STRIP2: variants seen among roughly 807,000 people sequenced by gnomAD.
STRIP2 encodes the protein striatin interacting protein 2, also known as striatin-interacting protein 2.
In STRIP2, 84 loss-of-function variants were observed where a neutral mutation model predicts 107.1. The observed-to-expected ratio is 0.78, with a 90% CI of 0.66 to 0.94. The LOEUF (loss-of-function observed/expected upper bound fraction) is 0.94. Among genes scored for constraint, STRIP2 ranks in the 40% least tolerant of loss-of-function variants. STRIP2 has a pLI of 0.00. For synonymous variants in STRIP2, 394 were observed against 400.4 expected (o/e 0.98, Z 0.19); for missense variants, 888 against 1,034.2 (o/e 0.86, Z 1.94).
chr7:129,446,272 T>C (rs1798031795), intron 3 of STRIP2, among the ~76,000 whole-genome samples: 1 of 152,224 alleles, frequency 6.6e-6, no homozygotes, highest in South Asian at 2.1e-4. Flanking sequence ...GGTCACCCAC[T>C]GGTGAACACT....
In STRIP2 at chr7:129,458,672, C is replaced by T; in HGVS notation, c.1275-40C>T. 6 of 1,611,838 alleles carry T rather than the reference C, an allele frequency of 3.7e-6. No homozygotes were observed. Among genetic ancestry groups the T allele is most frequent in the Non-Finnish European group, 5.1e-6 (6 of 1,177,938 alleles). On this transcript the variant is annotated intron_variant, in intron 10 of 20. Coordinates refer to ENST00000249344, the MANE Select transcript of STRIP2 (RefSeq NM_020704.3). This position sits in a 1 kb window ranked among gnomAD's most constrained non-coding sequence, Gnocchi z 4.6. ...TTTTTCTCTCTCAAAGTTTGCTTTT[C>T]TTCCCTTCTCTGGGATTGGTCTTTC... is the stretch of plus-strand genomic sequence containing the variant.
At chr7:129,454,038 T>C in intron 5 of STRIP2, 104 bp from the exon 6 acceptor site, 4 of 1,048,560 alleles carry the variant, frequency 3.8e-6, no homozygotes. Context: ...AGTGGCTGCC[T>C]AGCCAGGGAA....
chr7:129,462,971 A>G lies in STRIP2; in HGVS notation c.1482A>G (p.Glu494=). Residue 494 remains glutamate, a synonymous_variant, in exon 14 of 21, where the codon GAA becomes GAG. Transcript: ENST00000249344. ...CCATGTATTTCTTGCCATAGGGGGA[A>G]GAGGTGGTACCAGAGACGCCATGTG... is the stretch of plus-strand genomic sequence containing the variant. The part of the protein sequence containing the change: ...ELEKCPMSLG[E]EVVPETPCEI... 1 of 1,613,972 alleles carries G rather than the reference A, an allele frequency of 6.2e-7. No homozygotes were observed. Among genetic ancestry groups the G allele is most frequent in the East Asian group, 2.2e-5 (1 of 44,884 alleles).
intron 16 of STRIP2, 23 bp from the exon 17 acceptor site, chr7:129,467,327 T>G (rs1798694332): frequency 6.4e-7 from 1 of 1,559,074 alleles, no homozygotes; most frequent in Non-Finnish European, 8.8e-7. Flanking sequence ...AAGCAGCCCT[T>G]TCTGCTTTGA....
intron 1 of STRIP2, among the ~76,000 whole-genome samples, chr7:129,438,414 A>G (rs1313613512): frequency 1.3e-5 from 2 of 152,242 alleles, no homozygotes; most frequent in Admixed American, 1.3e-4. Context: ...TTATAGTATA[A>G]TATTAAAATC....
intron 17 of STRIP2, among the ~76,000 whole-genome samples, chr7:129,469,325 G>A (rs1798740656): frequency 6.6e-6 from 1 of 152,184 alleles, no homozygotes. Context: ...GGAGATCACA[G>A]CTCATTATTG....
chr7:129,457,521 C>T (rs748356917), intron 9 of STRIP2, among the ~76,000 whole-genome samples: 1 of 152,222 alleles, frequency 6.6e-6, no homozygotes, highest in Non-Finnish European at 1.5e-5. Flanking sequence ...TATGTTCTTA[C>T]AAACTCCCCT....
intron 1 of STRIP2, among the ~76,000 whole-genome samples, chr7:129,436,729 C>G (rs1275256078): frequency 6.6e-6 from 1 of 152,142 alleles, no homozygotes; most frequent in African/African-American, 2.4e-5. Flanking sequence ...TTTTTCCTCT[C>G]TAGGGCTTTT....
At chr7:129,484,218 T>C (rs1296185467) in intron 20 of STRIP2, among the ~76,000 whole-genome samples, 2 of 152,262 alleles carry the variant, frequency 1.3e-5, no homozygotes, top group Admixed American at 6.5e-5. Context: ...TCTAAAGGTT[T>C]GATGAATTCA....
At chr7:129,449,372 A>G (rs1798121700) in intron 3 of STRIP2, among the ~76,000 whole-genome samples, 1 of 152,188 alleles carries the variant, frequency 6.6e-6, no homozygotes, top group Admixed American at 6.5e-5. Flanking sequence ...GTCTAGTTAT[A>G]GGTCTAGAAC....
intron 17 of STRIP2, among the ~76,000 whole-genome samples, 192 bp from the exon 18 acceptor site, chr7:129,470,454 TTCC>T (rs1437173753): frequency 8.5e-5 from 13 of 152,328 alleles, no homozygotes; most frequent in African/African-American, 2.4e-4. Flanking sequence ...AACTCATTGG[TTCC>T]TCTCATGACA....
rs538934468 is a variant in STRIP2 at position 129,458,182 on chromosome 7, C to G, written c.1039-33C>G. 41 of 1,570,380 alleles carry G rather than the reference C, an allele frequency of 2.6e-5. 1 individual carries two copies. In the South Asian group the frequency reaches 3.9e-4, roughly 15 times the overall value. ...GACAAGGATGCCCAGAGTGAGATCT[C>G]TGCATGCCTACCCTCCCTTCTTTCC... is the stretch of plus-strand genomic sequence containing the variant. On this transcript the variant is annotated intron_variant, in intron 9 of 20. Transcript: ENST00000249344. The surrounding 1 kb of genome is among the most constrained non-coding windows in gnomAD (Gnocchi z 4.6).
At position 129,483,804 on chromosome 7, in the gene STRIP2, AC is replaced by A. The variant is rs1799184395; in HGVS notation, c.2254+759del. Among the ~76,000 whole-genome samples, 1 of 152,172 alleles carries A rather than the reference AC, an allele frequency of 6.6e-6. No homozygotes were observed. Among genetic ancestry groups the A allele is most frequent in the South Asian group, 2.1e-4 (1 of 4,810 alleles). ...CTGTCACCCAGGCTGGAAAGCAGTG[AC>A]ATGATAATGGCTCACTGCAGCCTCG... On this transcript the variant is annotated intron_variant, in intron 20 of 20. Coordinates refer to ENST00000249344, the MANE Select transcript of STRIP2 (RefSeq NM_020704.3). This position sits in a 1 kb window ranked among gnomAD's most constrained non-coding sequence, Gnocchi z 5.1.
intron 1 of STRIP2, 64 bp downstream of exon 1, chr7:129,434,665 A>G (rs1021215541): frequency 2.5e-5 from 35 of 1,412,250 alleles, no homozygotes; most frequent in Admixed American, 8.8e-5. Flanking sequence ...GCGGCGGCTG[A>G]GGTGATTCGG....
intron 16 of STRIP2, among the ~76,000 whole-genome samples, chr7:129,465,712 T>C (rs1798654644): frequency 6.6e-6 from 1 of 152,208 alleles, no homozygotes; most frequent in African/African-American, 2.4e-5. Flanking sequence ...TTGTTTGCCA[T>C]GCTAAGGAGT....
chr7:129,465,020 A>G (rs1423125345), intron 16 of STRIP2, among the ~76,000 whole-genome samples: 2 of 151,938 alleles, frequency 1.3e-5, no homozygotes, highest in East Asian at 3.9e-4. Context: ...GTTTTTAAAC[A>G]ATGCAAGAGA....
In STRIP2 at chr7:129,459,451, G is replaced by T. The variant is rs542880900; in HGVS notation, c.1341-66G>T. On this transcript the variant is annotated intron_variant, in intron 11 of 20. Coordinates refer to ENST00000249344, the MANE Select transcript of STRIP2 (RefSeq NM_020704.3). ...AGCATGGTCTGTTGACTCTAGGGGG[G>T]TATTGGGGTATCAGTAGTTCTCGTA... 1.2e-4 allele frequency: 166 copies of T among 1,346,012 alleles called. 1 individual carries two copies. In the South Asian group the frequency reaches 1.7e-3, roughly 14 times the overall value. 83.4% of individuals were successfully genotyped at this position (1,346,012 alleles called of 1,614,324 possible). A position where few individuals can be genotyped will look rare whatever the true frequency, so the allele number is the denominator to read the frequency against.
chr7:129,459,474 G>A (rs747349083), intron 11 of STRIP2, 43 bp from the exon 12 acceptor site: 28 of 1,571,308 alleles, frequency 1.8e-5, no homozygotes, highest in African/African-American at 2.7e-5. Context: ...AGTAGTTCTC[G>A]TACTTTGGAA....
chr7:129,435,827 T>C (rs666499), intron 1 of STRIP2, among the ~76,000 whole-genome samples: 134,494 of 152,214 alleles, frequency 0.88, 59,645 homozygotes, highest in East Asian at 0.96. Flanking sequence ...GAAACCAGGT[T>C]TTTGGCATCC....
Sources: gnomAD v4.1 joint callset for allele counts (sites outside exome capture counted in the v4.1 genomes callset) on GRCh38, gnomAD v4.1.1 for gene constraint, Gnocchi (gnomAD v3.1) non-coding constraint, MANE v1.5 for transcripts, NCBI Gene and HGNC (gene_info 2026-07-23, HGNC 2026-07-21) for gene names.